The following GNAQ variants were observed in gnomAD, a reference collection of about 807,000 sequenced individuals.
GNAQ encodes the protein guanine nucleotide-binding protein G(q) subunit alpha.
A neutral mutation model predicts 43.9 loss-of-function variants in GNAQ; 8 were observed. The ratio of observed to expected loss-of-function variants is 0.18; its 90% confidence interval spans 0.11 to 0.33. The LOEUF is 0.33. Among genes scored for constraint, GNAQ ranks in the 10% least tolerant of loss-of-function variants. The probability of loss-of-function intolerance (pLI) is 1.00; values close to 1 mark genes in which losing one functional copy is unlikely to be tolerated. For synonymous variants in GNAQ, 155 were observed against 170.7 expected, an observed-to-expected ratio of 0.91 and a Z score of 0.71; for missense variants, 158 against 450.8, an observed-to-expected ratio of 0.35 and a Z score of 5.88.
intron 2 of GNAQ, among the ~76,000 whole-genome samples, chr9:77,885,661 G>A (rs568006371): frequency 6.6e-6 from 1 of 151,994 alleles, no homozygotes; most frequent in Non-Finnish European, 1.5e-5. Context: ...TACTGTCTCA[G>A]TACGGATGGA....
chr9:77,897,614 G>C (rs1355103150), intron 2 of GNAQ, among the ~76,000 whole-genome samples: 2 of 152,168 alleles, frequency 1.3e-5, no homozygotes, highest in Non-Finnish European at 2.9e-5. Context: ...AGCAGGACCT[G>C]GGCAAAACTT....
Position 77,742,582 on chromosome 9 carries a change from GA to G in GNAQ, c.736-13916del, listed in dbSNP as rs796763365. 7.3e-3 allele frequency among the ~76,000 whole-genome samples: 1,037 copies of G among 141,824 alleles called. 9 individuals are homozygous for G. Among genetic ancestry groups the G allele is most frequent in the African/African-American group, 0.023 (873 of 38,714 alleles). 93.0% of individuals were successfully genotyped at this position (141,824 alleles called of 152,430 possible). A position where few individuals can be genotyped will look rare whatever the true frequency, so the allele number is the denominator to read the frequency against. The stretch of plus-strand genomic sequence containing the variant: ...AGTTACGCAGTCAGAAGACAAAAAA[GA>G]AAAAAAAAAACCAATGTTCCACTAG... On this transcript the variant is annotated intron_variant, in intron 5 of 6. Coordinates refer to ENST00000286548, the MANE Select transcript of GNAQ (RefSeq NM_002072.5).
At chr9:77,976,541 C>T (rs1337256169) in intron 1 of GNAQ, among the ~76,000 whole-genome samples, 2 of 152,090 alleles carry the variant, frequency 1.3e-5, no homozygotes, top group South Asian at 2.1e-4. Flanking sequence ...TACAGGCACG[C>T]GCTGCCACGC....
intron 1 of GNAQ, among the ~76,000 whole-genome samples, chr9:78,001,331 G>A (rs550954041): frequency 6.6e-6 from 1 of 152,082 alleles, no homozygotes; most frequent in Admixed American, 6.5e-5. Context: ...AACCTGGGAG[G>A]CAGAGGCTGC....
At chr9:77,955,010 G>GT (rs1564162001) in intron 1 of GNAQ, among the ~76,000 whole-genome samples, 1 of 152,194 alleles carries the variant, frequency 6.6e-6, no homozygotes, top group Non-Finnish European at 1.5e-5. Flanking sequence ...CCACCGAATA[G>GT]TAACTGGCCA....
chr9:77,975,224 C>T (rs773380736), intron 1 of GNAQ, among the ~76,000 whole-genome samples: 1 of 152,140 alleles, frequency 6.6e-6, no homozygotes, highest in Non-Finnish European at 1.5e-5. Context: ...ATTTAAGTGC[C>T]GTAAATAAAT....
intron 3 of GNAQ, among the ~76,000 whole-genome samples, chr9:77,813,670 G>A (rs1035901312): frequency 6.6e-6 from 1 of 152,242 alleles, no homozygotes; most frequent in Middle Eastern, 3.4e-3. Context: ...AGGAGGAGGA[G>A]GCAAACCCTA....
At chr9:77,799,554 G>C (rs2118463370) in intron 3 of GNAQ, among the ~76,000 whole-genome samples, 1 of 152,136 alleles carries the variant, frequency 6.6e-6, no homozygotes, top group East Asian at 1.9e-4. Context: ...ATTCTTACCA[G>C]TGGTATTTCT....
intron 6 of GNAQ, among the ~76,000 whole-genome samples, chr9:77,723,608 T>TA (rs1263386138): frequency 6.6e-6 from 1 of 152,072 alleles, no homozygotes; most frequent in Non-Finnish European, 1.5e-5. Flanking sequence ...TATTCAGCCA[T>TA]AAAAAAGAGT....
chr9:77,941,907 TACACACACACACACACAC>T lies in GNAQ; in HGVS notation c.137-19580_137-19563del, dbSNP rs10560776. Among the ~76,000 whole-genome samples the T allele has an allele frequency of 2.2e-4, 31 of 141,098 alleles. No individual in the cohort carries two copies. In the East Asian group the frequency reaches 2.3e-3, roughly 11 times the overall value. The allele number at this position is 141,098 out of a possible 152,430, so 92.6% of individuals were successfully genotyped here. A position where few individuals can be genotyped will look rare whatever the true frequency, so the allele number is the denominator to read the frequency against. ...AATGTGCACTTACATACAACATACA[TACACACACACACACACAC>T]ACACACACACACACACACACACAGA... On this transcript the variant is annotated intron_variant, in intron 1 of 6. Coordinates refer to ENST00000286548, the MANE Select transcript of GNAQ (RefSeq NM_002072.5).
chr9:77,923,786 G>C (rs1037779225), intron 1 of GNAQ, among the ~76,000 whole-genome samples: 2 of 151,932 alleles, frequency 1.3e-5, no homozygotes, highest in African/African-American at 2.4e-5. Flanking sequence ...GAAAGGGAAG[G>C]AAAAGAAGAG....
At chr9:77,788,494 G>C (rs746460397) in intron 5 of GNAQ, among the ~76,000 whole-genome samples, 10 of 152,286 alleles carry the variant, frequency 6.6e-5, no homozygotes, top group African/African-American at 2.4e-4. Context: ...TGTAGTAAAA[G>C]AGTGAAAAAC....
At chr9:77,744,091 A>G (rs1287363673) in intron 5 of GNAQ, among the ~76,000 whole-genome samples, 2 of 152,228 alleles carry the variant, frequency 1.3e-5, no homozygotes, top group Non-Finnish European at 2.9e-5. Context: ...TTGCCATTCC[A>G]TATTTCGGAT....
rs1036037724 is a variant in GNAQ at position 77,995,895 on chromosome 9, C to G, written c.136+35205G>C. ...AAAATTTGTTTTCATTTAGAAGACA[C>G]AACTTGATAAATTAAATTCTCTAGA... On this transcript the variant is annotated intron_variant, in intron 1 of 6. Transcript: ENST00000286548. 2.6e-5 allele frequency among the ~76,000 whole-genome samples: 4 copies of G among 152,288 alleles called. No homozygotes were observed. In the South Asian group the frequency reaches 6.2e-4, roughly 24 times the overall value.
At chr9:77,742,980 C>G (rs1479214870) in intron 5 of GNAQ, among the ~76,000 whole-genome samples, 3 of 152,208 alleles carry the variant, frequency 2.0e-5, no homozygotes, top group Non-Finnish European at 4.4e-5. Context: ...CAGCAGGAGG[C>G]TGGGCGCCGT....
At chr9:77,910,767 A>G (rs1828788475) in intron 2 of GNAQ, among the ~76,000 whole-genome samples, 1 of 152,202 alleles carries the variant, frequency 6.6e-6, no homozygotes, top group Admixed American at 6.5e-5. Context: ...TTTCCAGACT[A>G]TGTAATTCTC....
intron 5 of GNAQ, among the ~76,000 whole-genome samples, chr9:77,758,348 G>T (rs1283980668): frequency 6.6e-6 from 1 of 152,100 alleles, no homozygotes; most frequent in Non-Finnish European, 1.5e-5. Context: ...TGAAAGCCTT[G>T]TACAACATCA....
intron 2 of GNAQ, among the ~76,000 whole-genome samples, chr9:77,889,433 A>G (rs1033360056): frequency 3.9e-4 from 59 of 149,490 alleles, no homozygotes; most frequent in African/African-American, 1.4e-3. Context: ...AAAAAAAAAA[A>G]AAAAAAAAAA....
At chr9:77,869,371 T>C (rs1018876798) in intron 2 of GNAQ, among the ~76,000 whole-genome samples, 5 of 152,198 alleles carry the variant, frequency 3.3e-5, no homozygotes, top group African/African-American at 1.2e-4. Context: ...CAGAAGAATA[T>C]TGATGAAATT....
Sources: allele counts gnomAD v4.1 joint callset (sites outside exome capture counted in the v4.1 genomes callset), GRCh38; gene constraint gnomAD v4.1.1; transcripts MANE v1.5; gene names NCBI Gene and HGNC (gene_info 2026-07-23, HGNC 2026-07-21).